Variants in CAST observed in about 807,000 individuals in gnomAD.
The protein encoded by CAST is MIR583 host.
CAST carries 76 observed loss-of-function variants against 119.6 expected under a neutral mutation model. The ratio of observed to expected loss-of-function variants is 0.64; its 90% confidence interval spans 0.53 to 0.77. The LOEUF (loss-of-function observed/expected upper bound fraction) is 0.77. CAST is among the 30% of genes least tolerant of loss of function. The pLI, the probability that CAST is intolerant of heterozygous loss-of-function variation, is 0.00. For synonymous variants in CAST, 319 were observed against 331.6 expected (o/e 0.96, Z 0.41); for missense variants, 953 against 946.5 (o/e 1.01, Z -0.09).
chr5:96,306,175 G>A, the CAST span, among the ~76,000 whole-genome samples: 1 of 152,092 alleles, frequency 6.6e-6, no homozygotes, highest in Admixed American at 6.5e-5. Context: ...TTTAGTCTTG[G>A]GAGGGTATAT....
chr5:96,009,097 G>C, the CAST span, among the ~76,000 whole-genome samples: 1 of 152,124 alleles, frequency 6.6e-6, no homozygotes, highest in African/African-American at 2.4e-5. Context: ...ATTTGTTTAG[G>C]ATTATGGCCT....
At chr5:96,551,797 C>A (rs1746131688) in intron 1 of CAST, among the ~76,000 whole-genome samples, 1 of 151,656 alleles carries the variant, frequency 6.6e-6, no homozygotes, top group Non-Finnish European at 1.5e-5. Flanking sequence ...GACTTTAACC[C>A]AACAAAGATC....
At chr5:96,569,641 A>G (rs897838747) in intron 1 of CAST, among the ~76,000 whole-genome samples, 1 of 152,156 alleles carries the variant, frequency 6.6e-6, no homozygotes, top group African/African-American at 2.4e-5. Flanking sequence ...CTTTTGTCTT[A>G]CTGCTAACCT....
chr5:96,230,178 G>A, the CAST span, among the ~76,000 whole-genome samples: 1 of 152,066 alleles, frequency 6.6e-6, no homozygotes, highest in African/African-American at 2.4e-5. Flanking sequence ...AGAGACTTAG[G>A]GTTTCTGACT....
the CAST span, among the ~76,000 whole-genome samples, chr5:96,198,095 C>T: frequency 6.6e-6 from 1 of 152,128 alleles, no homozygotes; most frequent in Non-Finnish European, 1.5e-5. Context: ...TTTCCCTTCT[C>T]TAGGCGATGC....
chr5:96,492,270 T>G, the CAST span, among the ~76,000 whole-genome samples: 1 of 152,224 alleles, frequency 6.6e-6, no homozygotes, highest in African/African-American at 2.4e-5. Context: ...TGCAGGGAAG[T>G]CCTATTTAGA....
chr5:95,991,497 G>GTTTTTTT, the CAST span, among the ~76,000 whole-genome samples: 23 of 64,972 alleles, frequency 3.5e-4, no homozygotes, highest in Non-Finnish European at 5.0e-4. Context: ...AACAAGTTTT[G>GTTTTTTT]TTTTTTTTTT....
At chr5:96,701,649 A>G (rs932217268) in intron 3 of CAST, among the ~76,000 whole-genome samples, 1 of 152,058 alleles carries the variant, frequency 6.6e-6, no homozygotes, top group African/African-American at 2.4e-5. Context: ...TACTAAAAAT[A>G]CAAAAATTAG....
At chr5:96,066,670 T>A in the CAST span, among the ~76,000 whole-genome samples, 151,269 of 151,636 alleles carry the variant, frequency 1, 75,452 homozygotes, top group Middle Eastern at 1. Flanking sequence ...AAAATTAAAA[T>A]TTTTTTAGAG....
chr5:96,608,407 T>A (rs1467671357), intron 1 of CAST, among the ~76,000 whole-genome samples: 1 of 152,174 alleles, frequency 6.6e-6, no homozygotes, highest in Non-Finnish European at 1.5e-5. Flanking sequence ...TACCACCCCA[T>A]GCCTCATAAG....
At chr5:96,353,788 C>T in the CAST span, among the ~76,000 whole-genome samples, 2 of 152,200 alleles carry the variant, frequency 1.3e-5, no homozygotes, top group Non-Finnish European at 1.5e-5. Context: ...TTTCCTGGTT[C>T]TTCAGCTTGC....
At chr5:96,454,884 G>T in the CAST span, among the ~76,000 whole-genome samples, 1 of 152,042 alleles carries the variant, frequency 6.6e-6, no homozygotes, top group East Asian at 1.9e-4. Context: ...AATCTCTTTT[G>T]CCAATAAAAT....
At chr5:96,534,813 AAAG>A (rs1489057557) in intron 1 of CAST, among the ~76,000 whole-genome samples, 1 of 147,874 alleles carries the variant, frequency 6.8e-6, no homozygotes, top group Non-Finnish European at 1.5e-5. Context: ...AGAAAGAAAG[AAAG>A]AAAGAAAAGA....
chr5:96,281,512 C>T, the CAST span, among the ~76,000 whole-genome samples: 10 of 152,154 alleles, frequency 6.6e-5, no homozygotes, highest in Non-Finnish European at 1.2e-4. Context: ...TAGTTTATTT[C>T]TCTCTCACAT....
the CAST span, among the ~76,000 whole-genome samples, chr5:96,381,510 A>G: frequency 6.6e-6 from 1 of 152,248 alleles, no homozygotes; most frequent in African/African-American, 2.4e-5. Flanking sequence ...ATTCAGCAAT[A>G]GATTAGGATG....
the CAST span, among the ~76,000 whole-genome samples, chr5:96,272,199 T>C: frequency 1.3e-5 from 2 of 152,176 alleles, no homozygotes; most frequent in African/African-American, 2.4e-5. Context: ...AAAAACTCTA[T>C]GGAGGTTCCT....
chr5:96,271,732 A>G, the CAST span, among the ~76,000 whole-genome samples: 2 of 152,156 alleles, frequency 1.3e-5, no homozygotes, highest in African/African-American at 2.4e-5. Context: ...CTCAAAGCAC[A>G]GGAAACCAAA....
the CAST span, among the ~76,000 whole-genome samples, chr5:96,352,386 G>A: frequency 1.2e-4 from 18 of 152,206 alleles, no homozygotes; most frequent in Middle Eastern, 3.4e-3. Flanking sequence ...TTGTATATGT[G>A]TTTGTGGAAG....
chr5:96,446,696 AGAAGCCCAGCCCAAAG>A, the CAST span, among the ~76,000 whole-genome samples: 6 of 152,250 alleles, frequency 3.9e-5, no homozygotes, highest in Non-Finnish European at 8.8e-5. Context: ...TTGAGCAGCA[AGAAGCCCAGCCCAAAG>A]GAAGTCAGGC....
Sources: gnomAD v4.1 joint callset for allele counts (sites outside exome capture counted in the v4.1 genomes callset) on GRCh38, gnomAD v4.1.1 for gene constraint, MANE v1.5 for transcripts, NCBI Gene and HGNC (gene_info 2026-07-23, HGNC 2026-07-21) for gene names.